The following SEC63 variants were observed in gnomAD, a reference collection of about 807,000 sequenced individuals.
SEC63 encodes the protein SEC63 protein translocation regulator.
In SEC63, 56 loss-of-function variants were observed where a neutral mutation model predicts 116.2. The ratio of observed to expected loss-of-function variants is 0.48; its 90% CI spans 0.39 to 0.60. SEC63 has a LOEUF of 0.60. Ranked by LOEUF, SEC63 falls within the 20% of genes least tolerant of loss-of-function variation. The probability of loss-of-function intolerance (pLI) is 0.00; values close to 1 mark genes in which losing one functional copy is unlikely to be tolerated. For synonymous variants in SEC63, 273 were observed against 294.6 expected (o/e 0.93, Z 0.75); for missense variants, 668 against 900.0 (o/e 0.74, Z 3.30).
At chr6:107,949,294 G>A (rs1210871305) in intron 1 of SEC63, among the ~76,000 whole-genome samples, 1 of 152,076 alleles carries the variant, frequency 6.6e-6, no homozygotes. Flanking sequence ...TATTTAGGAT[G>A]TTTAATGTAA....
chr6:107,875,045 T>A (rs1319904080), intron 19 of SEC63, among the ~76,000 whole-genome samples: 1 of 152,156 alleles, frequency 6.6e-6, no homozygotes, highest in African/African-American at 2.4e-5. Flanking sequence ...TTGTTTTTTT[T>A]AAGAGACAGG....
At chr6:107,915,870 A>C (rs1394347672) in intron 4 of SEC63, among the ~76,000 whole-genome samples, 1 of 152,188 alleles carries the variant, frequency 6.6e-6, no homozygotes, top group East Asian at 1.9e-4. Flanking sequence ...TGCAAGTTAC[A>C]TAATCTCAAA....
intron 18 of SEC63, chr6:107,877,086 T>TATATATATATATAC (rs1287599670): frequency 6.0e-6 from 1 of 165,778 alleles, no homozygotes; most frequent in African/African-American, 2.5e-5. Flanking sequence ...TATATATATA[T>TATATATATATATAC]ACACATATAT....
intron 19 of SEC63, among the ~76,000 whole-genome samples, chr6:107,875,336 C>T (rs1229212197): frequency 6.6e-6 from 1 of 152,080 alleles, no homozygotes; most frequent in African/African-American, 2.4e-5. Context: ...CTGGTGAATA[C>T]GGGTGGGGAT....
intron 2 of SEC63, among the ~76,000 whole-genome samples, chr6:107,927,207 C>T (rs896069755): frequency 1.3e-5 from 2 of 152,078 alleles, no homozygotes; most frequent in Admixed American, 6.6e-5. Flanking sequence ...GGACCACAGG[C>T]ACGCACCACC....
chr6:107,918,882 G>A (rs1053811700), intron 4 of SEC63, among the ~76,000 whole-genome samples: 41 of 150,018 alleles, frequency 2.7e-4, no homozygotes, highest in African/African-American at 9.8e-4. Flanking sequence ...ACATCAAGAG[G>A]AGTTTGGTAG....
At chr6:107,912,587 AT>A in intron 6 of SEC63, 128 bp downstream of exon 6, 1 of 644,436 alleles carries the variant, frequency 1.6e-6, no homozygotes, top group Non-Finnish European at 2.9e-6. Flanking sequence ...TCTGTCTCAA[AT>A]GAATGAATGA....
At chr6:107,929,235 C>T (rs920978195) in intron 2 of SEC63, among the ~76,000 whole-genome samples, 180 bp downstream of exon 2, 1 of 152,204 alleles carries the variant, frequency 6.6e-6, no homozygotes, top group Non-Finnish European at 1.5e-5. Context: ...TACTCCCCTT[C>T]CTTTGAACTT....
chr6:107,943,338 T>C, intron 1 of SEC63, among the ~76,000 whole-genome samples: 1 of 152,258 alleles, frequency 6.6e-6, no homozygotes, highest in East Asian at 1.9e-4. Context: ...CCTTTTACAA[T>C]AGATATGTGT....
intron 17 of SEC63, among the ~76,000 whole-genome samples, 157 bp from the exon 18 acceptor site, chr6:107,881,407 G>A (rs754300622): frequency 4.6e-5 from 7 of 151,926 alleles, no homozygotes; most frequent in Non-Finnish European, 1.0e-4. Flanking sequence ...TCCTTACAAT[G>A]CCTTTTTAAA....
At chr6:107,928,994 A>C (rs1336320723) in intron 2 of SEC63, among the ~76,000 whole-genome samples, 3 of 152,248 alleles carry the variant, frequency 2.0e-5, no homozygotes, top group Non-Finnish European at 4.4e-5. Flanking sequence ...ATACAGAATT[A>C]AATTAGATAA....
Position 107,935,030 on chromosome 6 carries a change from G to A in SEC63, c.125-5516C>T, listed in dbSNP as rs1329266560. Among the ~76,000 whole-genome samples the A allele has an allele frequency of 6.6e-5, 9 of 136,998 alleles. No homozygotes were observed. In the East Asian group the frequency reaches 1.4e-3, roughly 21 times the overall value. The allele number at this position is 136,998 out of a possible 152,430, so 89.9% of individuals were successfully genotyped here. On this transcript the variant is annotated intron_variant, in intron 1 of 20. Transcript: ENST00000369002. ...CCCCGCCCGGCCAGCCACCCCGTCC[G>A]GGAGGTGAGGGGCGCCTCTGCCCAG...
chr6:107,896,855 T>C (rs1440759413), intron 14 of SEC63, among the ~76,000 whole-genome samples: 2 of 152,002 alleles, frequency 1.3e-5, no homozygotes, highest in Non-Finnish European at 2.9e-5. Context: ...GGCGTGTGCC[T>C]GTAATCCCAG....
chr6:107,934,146 G>A (rs1412587724), intron 1 of SEC63, among the ~76,000 whole-genome samples: 4 of 152,020 alleles, frequency 2.6e-5, no homozygotes, highest in East Asian at 1.9e-4. Flanking sequence ...CCGCCACCCC[G>A]TCTGGGAAGT....
chr6:107,886,845 G>GTT (rs34959288), intron 16 of SEC63, among the ~76,000 whole-genome samples: 1,502 of 128,058 alleles, frequency 0.012, 33 homozygotes, highest in African/African-American at 0.036. Context: ...GTTTTTTTGG[G>GTT]TTTTTTTTTT....
chr6:107,890,624 G>A (rs530465068), intron 16 of SEC63, among the ~76,000 whole-genome samples: 45 of 152,172 alleles, frequency 3.0e-4, no homozygotes, highest in African/African-American at 1.1e-3. Flanking sequence ...ATGCTATCTC[G>A]TTATTCTGCC....
chr6:107,906,382 T>C (rs1459509140), intron 10 of SEC63, 66 bp downstream of exon 10: 6 of 1,529,154 alleles, frequency 3.9e-6, no homozygotes, highest in Non-Finnish European at 4.5e-6. Context: ...ATACACACCA[T>C]TAAGTCTAAT....
Position 107,890,633 on chromosome 6 carries a change from C to T in SEC63, c.1674+2849G>A, listed in dbSNP as rs550260074. Reference sequence around the variant, plus strand: ...ATTATGATGCTATCTCGTTATTCTGCCCCTTAGTTTATGCAGTTTCTTCAC... The same window carrying T: ...ATTATGATGCTATCTCGTTATTCTGTCCCTTAGTTTATGCAGTTTCTTCAC... On this transcript the variant is annotated intron_variant, in intron 16 of 20. Transcript: ENST00000369002. Among the ~76,000 whole-genome samples the T allele has an allele frequency of 2.6e-5, 4 of 152,184 alleles. No individual in the cohort carries two copies. In the South Asian group the frequency reaches 6.2e-4, roughly 24 times the overall value.
chr6:107,943,455 T>C (rs944836823), intron 1 of SEC63, among the ~76,000 whole-genome samples: 1 of 152,210 alleles, frequency 6.6e-6, no homozygotes, highest in Admixed American at 6.5e-5. Flanking sequence ...AGGCTACAGT[T>C]CTTCTGCAAA....
Sources: gnomAD v4.1 joint callset for allele counts (sites outside exome capture counted in the v4.1 genomes callset) on GRCh38, gnomAD v4.1.1 for gene constraint, MANE v1.5 for transcripts, NCBI Gene and HGNC (gene_info 2026-07-23, HGNC 2026-07-21) for gene names.